Variants in PRR16 observed in about 807,000 individuals in gnomAD.
PRR16 encodes the protein protein Largen.
PRR16 carries 6 observed loss-of-function variants against 18.2 expected under a neutral mutation model. That is an observed-to-expected ratio of 0.33 (90% CI 0.18 to 0.65). The LOEUF (loss-of-function observed/expected upper bound fraction) is 0.65. Among genes scored for constraint, PRR16 ranks in the 30% least tolerant of loss-of-function variants. The pLI, the probability that PRR16 is intolerant of heterozygous loss-of-function variation, is 0.74. For synonymous variants in PRR16, 151 were observed against 147.8 expected (o/e 1.02, Z -0.16); for missense variants, 412 against 376.6 (o/e 1.09, Z -0.78).
At chr5:120,782,354 A>C in the PRR16 span, among the ~76,000 whole-genome samples, 1 of 152,192 alleles carries the variant, frequency 6.6e-6, no homozygotes, top group East Asian at 1.9e-4. Context: ...ACTGCACCCC[A>C]TGGCACTTGG....
intron 1 of PRR16, among the ~76,000 whole-genome samples, chr5:120,491,040 G>T (rs563837352): frequency 2.0e-5 from 3 of 152,154 alleles, no homozygotes; most frequent in Non-Finnish European, 2.9e-5. Flanking sequence ...GTACCCGGCC[G>T]TGTGAGGTAT....
At chr5:120,666,849 G>T (rs1756396896) in intron 1 of PRR16, among the ~76,000 whole-genome samples, 1 of 148,162 alleles carries the variant, frequency 6.7e-6, no homozygotes, top group African/African-American at 2.5e-5. Flanking sequence ...TGTGCTGCTG[G>T]ATTCAGTTTG....
intron 1 of PRR16, among the ~76,000 whole-genome samples, chr5:120,512,646 C>T (rs761548308): frequency 4.6e-5 from 7 of 152,126 alleles, no homozygotes; most frequent in Non-Finnish European, 1.0e-4. Flanking sequence ...ATATTTTCTG[C>T]TTGTCTAGGA....
chr5:120,773,747 A>G, the PRR16 span, among the ~76,000 whole-genome samples: 41,230 of 151,958 alleles, frequency 0.27, 5,950 homozygotes, highest in Non-Finnish European at 0.32. Context: ...ATATTATTAG[A>G]AGACAAGTAA....
chr5:120,498,949 A>T (rs936444999), intron 1 of PRR16, among the ~76,000 whole-genome samples: 5 of 148,456 alleles, frequency 3.4e-5, no homozygotes, highest in Admixed American at 2.0e-4. Context: ...TACTTTAAAG[A>T]TTATTTCTCT....
At chr5:120,698,388 G>GA in the PRR16 span, among the ~76,000 whole-genome samples, 1 of 152,106 alleles carries the variant, frequency 6.6e-6, no homozygotes, top group Non-Finnish European at 1.5e-5. Context: ...CATCTGATTA[G>GA]AGAGTGCCTA....
intron 1 of PRR16, among the ~76,000 whole-genome samples, chr5:120,548,929 A>G (rs1162390108): frequency 6.6e-6 from 1 of 150,694 alleles, no homozygotes; most frequent in Admixed American, 6.7e-5. Flanking sequence ...GACATGCTGA[A>G]AATAAACTGT....
intron 1 of PRR16, among the ~76,000 whole-genome samples, chr5:120,573,915 A>ATT (rs1427136115): frequency 6.6e-6 from 1 of 151,844 alleles, no homozygotes; most frequent in African/African-American, 2.4e-5. Context: ...ATATATATAT[A>ATT]TATCAAACAC....
chr5:120,483,181 C>G (rs1001573119), intron 1 of PRR16, among the ~76,000 whole-genome samples: 1 of 152,258 alleles, frequency 6.6e-6, no homozygotes, highest in East Asian at 1.9e-4. Flanking sequence ...TATTTCAACA[C>G]ATGGTTTCCA....
At chr5:120,636,177 A>G (rs1486608587) in intron 1 of PRR16, among the ~76,000 whole-genome samples, 1 of 152,192 alleles carries the variant, frequency 6.6e-6, no homozygotes, top group Non-Finnish European at 1.5e-5. Flanking sequence ...GGGTAGAATC[A>G]ATATTGTGAA....
intron 1 of PRR16, among the ~76,000 whole-genome samples, chr5:120,536,632 T>G (rs75548215): frequency 0.046 from 7,027 of 152,256 alleles, 164 homozygotes; most frequent in African/African-American, 0.062. Flanking sequence ...AGGTGTGATA[T>G]ATGTTTACAT....
intron 1 of PRR16, among the ~76,000 whole-genome samples, chr5:120,648,156 C>T (rs1755657628): frequency 6.6e-6 from 1 of 152,020 alleles, no homozygotes; most frequent in African/African-American, 2.4e-5. Flanking sequence ...GGATGTTATA[C>T]GTTGTAGTCA....
At chr5:120,676,954 A>G (rs1009383141) in intron 1 of PRR16, among the ~76,000 whole-genome samples, 13 of 152,216 alleles carry the variant, frequency 8.5e-5, no homozygotes, top group East Asian at 5.8e-4. Flanking sequence ...ATAAATACCA[A>G]AGAGAAGTTA....
the PRR16 span, among the ~76,000 whole-genome samples, chr5:120,769,995 GTA>G: frequency 6.6e-6 from 1 of 151,778 alleles, no homozygotes; most frequent in Non-Finnish European, 1.5e-5. Context: ...TTGGTCACTT[GTA>G]TGTCTTCTTT....
chr5:120,706,034 CAT>C, the PRR16 span, among the ~76,000 whole-genome samples: 1 of 152,148 alleles, frequency 6.6e-6, no homozygotes, highest in Non-Finnish European at 1.5e-5. Context: ...AGTTCGGAGA[CAT>C]GTAATCTAAT....
intron 1 of PRR16, among the ~76,000 whole-genome samples, chr5:120,595,700 A>T (rs528134650): frequency 6.6e-6 from 1 of 152,072 alleles, no homozygotes; most frequent in African/African-American, 2.4e-5. Context: ...AAAAAAATTC[A>T]ATGACTCAAT....
intron 1 of PRR16, among the ~76,000 whole-genome samples, chr5:120,488,521 T>A (rs1355441820): frequency 7.9e-5 from 12 of 152,244 alleles, no homozygotes; most frequent in Admixed American, 7.8e-4. Context: ...TTATTGTGTC[T>A]ATTTGATTCT....
At chr5:120,754,477 TATATA>T in the PRR16 span, among the ~76,000 whole-genome samples, 1 of 78,854 alleles carries the variant, frequency 1.3e-5, no homozygotes, top group Non-Finnish European at 2.2e-5. Context: ...TAGTATATAT[TATATA>T]ATATATAGTA....
intron 1 of PRR16, among the ~76,000 whole-genome samples, chr5:120,666,720 G>A (rs1166990023): frequency 6.8e-6 from 1 of 147,298 alleles, no homozygotes; most frequent in African/African-American, 2.5e-5. Flanking sequence ...AGATAATCAT[G>A]TGGTTTTTGT....
Sources: allele counts gnomAD v4.1 joint callset (sites outside exome capture counted in the v4.1 genomes callset), GRCh38; gene constraint gnomAD v4.1.1; transcripts MANE v1.5; gene names NCBI Gene and HGNC (gene_info 2026-07-23, HGNC 2026-07-21).